Variants in CACNB1 observed in about 807,000 individuals in gnomAD.
CACNB1 encodes the protein calcium voltage-gated channel auxiliary subunit beta 1, also known as voltage-dependent L-type calcium channel subunit beta-1.
CACNB1 carries 29 observed loss-of-function variants against 71.6 expected under a neutral mutation model. The ratio of observed to expected loss-of-function variants is 0.40; its 90% CI spans 0.30 to 0.55. CACNB1 has a LOEUF of 0.55. Among genes scored for constraint, CACNB1 ranks in the 20% least tolerant of loss-of-function variants. The probability of loss-of-function intolerance (pLI) is 0.38; values close to 1 mark genes in which losing one functional copy is unlikely to be tolerated. For missense variants in CACNB1, 623 were observed against 801.8 expected, an observed-to-expected ratio of 0.78 and a Z score of 2.69; for synonymous variants, 300 against 319.6, an observed-to-expected ratio of 0.94 and a Z score of 0.65.
At chr17:39,187,306 C>T (rs2045965254) in intron 4 of CACNB1, 173 bp downstream of exon 4, 2 of 750,266 alleles carry the variant, frequency 2.7e-6, no homozygotes, top group Non-Finnish European at 4.3e-6. Flanking sequence ...CTAAGCATTA[C>T]CACCTCATTT....
Position 39,177,520 on chromosome 17 carries a change from T to G in CACNB1, c.1162A>C (p.Ile388Leu). 1 of 1,593,844 alleles carries G rather than the reference T, an allele frequency of 6.3e-7. No individual in the cohort carries two copies. The highest frequency in any genetic ancestry group is 8.6e-7 in the Non-Finnish European group (1 of 1,166,696). Reference sequence around the variant, plus strand: ...TCCTCCAATTGGTTCTCATCCAGGATGATGTCAAACATTTCCTGTGAAGGC... The same window carrying G: ...TCCTCCAATTGGTTCTCATCCAGGAGGATGTCAAACATTTCCTGTGAAGGC... ...AQCPPEMFDI[I>L]LDENQLEDAC... is the part of the protein sequence containing the mutation. The change falls in exon 13 of 14, where the codon ATC becomes CTC. Residue 388 changes from isoleucine (I) to leucine (L), a missense_variant. By Grantham distance (5) the Ile-to-Leu change is conservative (BLOSUM62 2). Coordinates refer to ENST00000394303, the MANE Select transcript of CACNB1 (RefSeq NM_000723.5).
At chr17:39,192,883 G>T (rs955936259) in intron 2 of CACNB1, 1 of 152,444 alleles carries the variant, frequency 6.6e-6, no homozygotes, top group Non-Finnish European at 1.5e-5. Flanking sequence ...GGTGGAGCGG[G>T]GGTCACTAAC....
intron 4 of CACNB1, 110 bp downstream of exon 4, chr17:39,187,369 A>C: frequency 8.0e-7 from 1 of 1,252,592 alleles, no homozygotes. Context: ...GTCTAAGGTC[A>C]CACAGCAGAT....
chr17:39,191,457 C>T lies in CACNB1; in HGVS notation c.291+17G>A, dbSNP rs940072775. The stretch of plus-strand genomic sequence containing the variant: ...GGGAAATCATGCCAGCACAGCCCCT[C>T]CCCACATCTTTCTCACCTTGGCCTT... On this transcript the variant is annotated intron_variant, in intron 3 of 13. Transcript: ENST00000394303. 17 of 1,594,090 alleles carry T rather than the reference C, an allele frequency of 1.1e-5. No individual in the cohort carries two copies. In the African/African-American group the frequency reaches 1.6e-4, roughly 15 times the overall value.
rs1391443898 is a variant in CACNB1, at chr17:39,177,488, G to A, written c.1194C>T (p.Cys398=). 1.2e-6 allele frequency: 2 copies of A among 1,608,398 alleles called. No individual in the cohort carries two copies. The highest frequency in any genetic ancestry group is 1.1e-5 in the South Asian group (1 of 90,690). ...CTTCCAAGTACTCCGCCAGATGCTC[G>A]CAGGCATCCTCCAATTGGTTCTCAT... The part of the protein sequence containing the change: ...ILDENQLEDA[C]EHLAEYLEAY... The change falls in exon 13 of 14, where the codon TGC becomes TGT. Residue 398 remains cysteine, a synonymous_variant. Coordinates refer to ENST00000394303, the MANE Select transcript of CACNB1 (RefSeq NM_000723.5).
At position 39,186,720 on chromosome 17, in the gene CACNB1, T is replaced by C. The variant is rs2045950091; in HGVS notation, c.551+73A>G. The C allele has an allele frequency of 5.0e-6, 8 of 1,584,696 alleles. No homozygotes were observed. The highest frequency in any genetic ancestry group is 1.7e-5 in the Admixed American group (1 of 59,396). On this transcript the variant is annotated intron_variant, in intron 5 of 13. Transcript: ENST00000394303. The surrounding 1 kb of genome is among the most constrained non-coding windows in gnomAD (Gnocchi z 4.1). ...GTGCCCTCAGGGCCAGGGACAACCA[T>C]TGAGGCCTAGTCCAGGCTGTATGGC...
intron 6 of CACNB1, among the ~76,000 whole-genome samples, chr17:39,185,708 C>G (rs1169327401): frequency 6.6e-6 from 1 of 152,058 alleles, no homozygotes; most frequent in Non-Finnish European, 1.5e-5. Flanking sequence ...CCACCAAACC[C>G]TGCTGCCCCA....
intron 11 of CACNB1, among the ~76,000 whole-genome samples, chr17:39,182,423 G>A (rs935007277): frequency 3.3e-5 from 5 of 151,952 alleles, no homozygotes. Context: ...AGAGTAGGCT[G>A]GGTGCGGTAG....
rs557318085 is a variant in CACNB1, at chr17:39,194,313, G to A, written c.171+571C>T. ...CTCAGTTACACCCTTTCAGGCAGGG[G>A]TGCTGGGCTATCATCTTCTCTATTA... On this transcript the variant is annotated intron_variant, in intron 2 of 13. Transcript: ENST00000394303. The surrounding 1 kb of genome is among the most constrained non-coding windows in gnomAD (Gnocchi z 4.6). Among the ~76,000 whole-genome samples the A allele has an allele frequency of 2.0e-5, 3 of 152,248 alleles. No individual in the cohort carries two copies. In the East Asian group the frequency reaches 5.8e-4, roughly 29 times the overall value.
Position 39,186,237 on chromosome 17 carries a change from C to T in CACNB1, c.628+259G>A, listed in dbSNP as rs1443090967. On this transcript the variant is annotated intron_variant, in intron 6 of 13. Transcript: ENST00000394303. The surrounding 1 kb of genome is among the most constrained non-coding windows in gnomAD (Gnocchi z 4.1). The stretch of plus-strand genomic sequence containing the variant: ...AAGAAAGAAGAAGAGGTGAATGGAA[C>T]AGGGCTGGGAGAAATGAATGGGGGC... 3 of 746,834 alleles carry T rather than the reference C, an allele frequency of 4.0e-6. No individual in the cohort carries two copies. The highest frequency in any genetic ancestry group is 6.8e-6 in the Non-Finnish European group (3 of 444,202). 46.3% of individuals were successfully genotyped at this position (746,834 alleles called of 1,614,324 possible). A position where few individuals can be genotyped will look rare whatever the true frequency, so the allele number is the denominator to read the frequency against.
At chr17:39,178,619 G>A (rs1678330742) in intron 11 of CACNB1, among the ~76,000 whole-genome samples, 1 of 151,976 alleles carries the variant, frequency 6.6e-6, no homozygotes, top group South Asian at 2.1e-4. Flanking sequence ...CTGGCCTCAA[G>A]TGATCCACTT....
Position 39,175,375 on chromosome 17 carries a change from C to G in CACNB1, c.1615G>C (p.Gly539Arg). The G allele has an allele frequency of 6.2e-7, 1 of 1,614,158 alleles. No homozygotes were observed. The highest frequency in any genetic ancestry group is 1.1e-5 in the South Asian group (1 of 91,084). The change falls in exon 14 of 14, where the codon GGC (glycine) becomes CGC (arginine). Residue 539 changes from glycine to arginine, a missense_variant. Transcript: ENST00000394303. This position sits in a 1 kb window ranked among gnomAD's most constrained non-coding sequence, Gnocchi z 4.7. ...GPGLGDPAGG[G>R]TPPARQGSWE... ...GATCCCTGTCGGGCTGGGGGCGTGC[C>G]GCCCCCTGCAGGGTCTCCAAGCCCT...
At chr17:39,191,040 T>TA (rs768558965) in intron 3 of CACNB1, among the ~76,000 whole-genome samples, 14 of 151,482 alleles carry the variant, frequency 9.2e-5, no homozygotes, top group Non-Finnish European at 1.6e-4. Flanking sequence ...CCGTCTCTAC[T>TA]AAAAATACAA....
intron 1 of CACNB1, among the ~76,000 whole-genome samples, chr17:39,196,738 A>G (rs536021757): frequency 2.1e-5 from 3 of 139,608 alleles, no homozygotes; most frequent in East Asian, 2.4e-4. Context: ...CCCCCCTCCT[A>G]TGAGTTGGCA....
At chr17:39,178,702 C>T (rs944927269) in intron 11 of CACNB1, among the ~76,000 whole-genome samples, 2 of 152,018 alleles carry the variant, frequency 1.3e-5, no homozygotes, top group South Asian at 2.1e-4. Context: ...ATATTAACAA[C>T]GGCAACAACA....
At position 39,186,411 on chromosome 17, in the gene CACNB1, T is replaced by A; in HGVS notation, c.628+85A>T. The A allele has an allele frequency of 1.0e-6, 1 of 993,724 alleles. No individual in the cohort carries two copies. Among genetic ancestry groups the A allele is most frequent in the Non-Finnish European group, 1.5e-6 (1 of 655,274 alleles). 61.6% of individuals were successfully genotyped at this position (993,724 alleles called of 1,614,324 possible). Reference sequence around the variant, plus strand: ...GACTCAGGATTGGGGTGTTTCCTACTGCAGGGAAAGGAGGATTCAGGGAGT... The same window carrying A: ...GACTCAGGATTGGGGTGTTTCCTACAGCAGGGAAAGGAGGATTCAGGGAGT... On this transcript the variant is annotated intron_variant, in intron 6 of 13. Coordinates refer to ENST00000394303, the MANE Select transcript of CACNB1 (RefSeq NM_000723.5). The surrounding 1 kb of genome is among the most constrained non-coding windows in gnomAD (Gnocchi z 4.1).
intron 3 of CACNB1, among the ~76,000 whole-genome samples, chr17:39,191,008 T>A (rs922472465): frequency 1.3e-5 from 2 of 151,538 alleles, no homozygotes; most frequent in African/African-American, 4.8e-5. Context: ...ATCGAGACCA[T>A]CCTGGCTAAC....
chr17:39,175,585 GGTACTC>G lies in CACNB1; in HGVS notation c.1399_1404del (p.Glu467_Tyr468del). On this transcript the variant is annotated inframe_deletion, in exon 14 of 14. Coordinates refer to ENST00000394303, the MANE Select transcript of CACNB1 (RefSeq NM_000723.5). The surrounding 1 kb of genome is among the most constrained non-coding windows in gnomAD (Gnocchi z 4.7). Reference sequence around the variant, plus strand: ...CCTGGGGGCTGGCCCAGCTCCCCTGGGTACTCGTGCATGCTGGCGTGCTCCCCGGTG... The same window carrying G: ...CCTGGGGGCTGGCCCAGCTCCCCTGGGTGCATGCTGGCGTGCTCCCCGGTG... 2 of 1,610,666 alleles carry G rather than the reference GGTACTC, an allele frequency of 1.2e-6. No individual in the cohort carries two copies. Among genetic ancestry groups the G allele is most frequent in the Non-Finnish European group, 1.7e-6 (2 of 1,178,148 alleles).
intron 11 of CACNB1, chr17:39,178,318 G>A (rs1404449092): frequency 2.3e-5 from 9 of 383,628 alleles, no homozygotes; most frequent in African/African-American, 6.2e-5. Context: ...GCTATATGAA[G>A]GGCAGTGATT....
Sources: gnomAD v4.1 joint callset for allele counts (sites outside exome capture counted in the v4.1 genomes callset) on GRCh38, gnomAD v4.1.1 for gene constraint, Gnocchi (gnomAD v3.1) non-coding constraint, MANE v1.5 for transcripts, NCBI Gene and HGNC (gene_info 2026-07-23, HGNC 2026-07-21) for gene names.